Variants in ZNF573 observed in about 807,000 individuals in gnomAD.
ZNF573 encodes the protein zinc finger protein 573.
Under a neutral mutation model 57.4 loss-of-function variants are expected in ZNF573, and 41 were observed. The ratio of observed to expected loss-of-function variants is 0.71; its 90% CI spans 0.56 to 0.93. The LOEUF (loss-of-function observed/expected upper bound fraction) is 0.93, where lower values mean the gene tolerates loss of function less well. Among genes scored for constraint, ZNF573 ranks in the 40% least tolerant of loss-of-function variants. The probability of loss-of-function intolerance (pLI) is 0.00; values close to 1 mark genes in which losing one functional copy is unlikely to be tolerated. For synonymous variants in ZNF573, 249 were observed against 261.0 expected (o/e 0.95, Z 0.44); for missense variants, 730 against 794.8 (o/e 0.92, Z 0.98).
intron 4 of ZNF573, among the ~76,000 whole-genome samples, chr19:37,756,306 C>T (rs1042513173): frequency 1.3e-5 from 2 of 152,194 alleles, no homozygotes; most frequent in Non-Finnish European, 2.9e-5. Flanking sequence ...TTCCCCCAAA[C>T]CTCTTCATGT....
chr19:37,749,746 A>G (rs56075341), intron 4 of ZNF573, among the ~76,000 whole-genome samples: 12,122 of 152,246 alleles, frequency 0.08, 729 homozygotes, highest in African/African-American at 0.16. Context: ...AGTAAATGCT[A>G]CAATATCCAA....
At chr19:37,753,598 T>C (rs868043145) in intron 4 of ZNF573, among the ~76,000 whole-genome samples, 23 of 152,262 alleles carry the variant, frequency 1.5e-4, no homozygotes, top group African/African-American at 4.6e-4. Context: ...CATTTTAAGA[T>C]ATTACTCCAG....
chr19:37,750,016 G>A, intron 4 of ZNF573, among the ~76,000 whole-genome samples: 1 of 152,036 alleles, frequency 6.6e-6, no homozygotes, highest in East Asian at 1.9e-4. Context: ...TTCTAAGAGG[G>A]GGTAAAAGGG....
At position 37,744,127 on chromosome 19, in the gene ZNF573, A is replaced by G. The variant is rs552055057; in HGVS notation, c.296-3933T>C. On this transcript the variant is annotated intron_variant, in intron 4 of 4. Transcript: ENST00000536220. Reference sequence around the variant, plus strand: ...TCCTGTTTTTTTTTTAGAAGAAAGGAAAAAAAAAAGACTACTGATGTCACA... The same window carrying G: ...TCCTGTTTTTTTTTTAGAAGAAAGGGAAAAAAAAAGACTACTGATGTCACA... Among the ~76,000 whole-genome samples the G allele has an allele frequency of 6.0e-5, 9 of 149,332 alleles. No individual in the cohort carries two copies. The South Asian group carries it at 6.4e-4, about 11-fold the overall frequency.
intron 4 of ZNF573, among the ~76,000 whole-genome samples, chr19:37,767,771 C>CA (rs901390281): frequency 4.0e-5 from 6 of 151,678 alleles, no homozygotes; most frequent in African/African-American, 1.5e-4. Flanking sequence ...ATGGCATCAG[C>CA]AAAAAATAGA....
At chr19:37,741,067 CAA>C (rs1236208564) in intron 4 of ZNF573, among the ~76,000 whole-genome samples, 1 of 152,180 alleles carries the variant, frequency 6.6e-6, no homozygotes, top group African/African-American at 2.4e-5. Context: ...GCCAACTGTA[CAA>C]CTTCCCCCAA....
Position 37,773,670 on chromosome 19 carries a change from G to A in ZNF573, c.60C>T (p.Thr20=), listed in dbSNP as rs2045679422. The A allele has an allele frequency of 6.5e-7, 1 of 1,535,108 alleles. No homozygotes were observed. Among genetic ancestry groups the A allele is most frequent in the Non-Finnish European group, 8.7e-7 (1 of 1,146,226 alleles). Residue 20 remains threonine (T), a synonymous_variant, in exon 2 of 5, where the codon ACC becomes ACT. Transcript: ENST00000536220. ...VGLIRSYNSK[T]MTCFQELVTF... is the part of the protein sequence containing the mutation. Reference sequence around the variant, plus strand: ...GAATTAATCAACTTACACAGGTCATGGTTTTAGAATTGTAAGACCTGATCA... The same window carrying A: ...GAATTAATCAACTTACACAGGTCATAGTTTTAGAATTGTAAGACCTGATCA...
At chr19:37,763,560 TCAAAAAAAACAAAACAAAA>T (rs1599701194) in intron 4 of ZNF573, among the ~76,000 whole-genome samples, 2 of 149,730 alleles carry the variant, frequency 1.3e-5, no homozygotes, top group Non-Finnish European at 3.0e-5. Flanking sequence ...TGAGACTGTC[TCAAAAAAAACAAAACAAAA>T]CAAAAAAAAC....
intron 4 of ZNF573, among the ~76,000 whole-genome samples, chr19:37,759,942 A>G (rs1231291101): frequency 1.3e-5 from 2 of 152,220 alleles, no homozygotes; most frequent in Non-Finnish European, 2.9e-5. Flanking sequence ...TTTGGACAAG[A>G]TGAAATGGAG....
In ZNF573 at chr19:37,768,017, A is replaced by G. The variant is rs2045617851; in HGVS notation, c.295+1988T>C. Among the ~76,000 whole-genome samples, 4 of 152,148 alleles carry G rather than the reference A, an allele frequency of 2.6e-5. No homozygotes were observed. The South Asian group carries it at 8.3e-4, about 32-fold the overall frequency. On this transcript the variant is annotated intron_variant, in intron 4 of 4. Coordinates refer to ENST00000536220, the MANE Select transcript of ZNF573 (RefSeq NM_001172690.2). ...AACTAGAAACTCTCTCCTTGTTTAG[A>G]AATACTGCTTGGAGGGTATAAAATA...
Position 37,751,674 on chromosome 19 carries a change from TATATA to T in ZNF573, c.296-11485_296-11481del, listed in dbSNP as rs1430280956. Among the ~76,000 whole-genome samples, 77 of 124,558 alleles carry T rather than the reference TATATA, an allele frequency of 6.2e-4. 1 individual carries two copies. The highest frequency in any genetic ancestry group is 1.4e-3 in the African/African-American group (50 of 36,336). The allele number at this position is 124,558 out of a possible 152,430, so 81.7% of individuals were successfully genotyped here. A position where few individuals can be genotyped will look rare whatever the true frequency, so the allele number is the denominator to read the frequency against. On this transcript the variant is annotated intron_variant, in intron 4 of 4. Transcript: ENST00000536220. ...TACAGTATAGACAGCATATATACTG[TATATA>T]GTACATAGTACCGTATATATACTGT... is the stretch of plus-strand genomic sequence containing the variant.
chr19:37,749,466 T>C (rs188324009), intron 4 of ZNF573, among the ~76,000 whole-genome samples: 7 of 152,134 alleles, frequency 4.6e-5, no homozygotes, highest in Admixed American at 4.6e-4. Flanking sequence ...TAGGTTTATA[T>C]CCATTTATAT....
At chr19:37,768,307 C>T (rs895858679) in intron 4 of ZNF573, among the ~76,000 whole-genome samples, 37 of 152,200 alleles carry the variant, frequency 2.4e-4, no homozygotes, top group African/African-American at 8.4e-4. Context: ...GATCTGACTA[C>T]GCCTAACAAT....
intron 4 of ZNF573, among the ~76,000 whole-genome samples, chr19:37,762,957 G>A (rs545223715): frequency 6.6e-6 from 1 of 152,150 alleles, no homozygotes; most frequent in East Asian, 1.9e-4. Context: ...GTTTTTGGTA[G>A]AGACAGGGTT....
At chr19:37,746,835 T>C (rs1378110639) in intron 4 of ZNF573, among the ~76,000 whole-genome samples, 1 of 152,150 alleles carries the variant, frequency 6.6e-6, no homozygotes, top group Non-Finnish European at 1.5e-5. Flanking sequence ...CTGCCCGCCT[T>C]GGCCTCCCAA....
chr19:37,746,713 G>A (rs953213302), intron 4 of ZNF573, among the ~76,000 whole-genome samples: 2 of 151,924 alleles, frequency 1.3e-5, no homozygotes, highest in African/African-American at 4.8e-5. Flanking sequence ...CCAAGTAACT[G>A]GCATTATGTA....
Position 37,773,648 on chromosome 19 carries a change from T to C in ZNF573, c.69+13A>G. Reference sequence around the variant, plus strand: ...ATCATGATATTGCAAGGAAACAGAATTAATCAACTTACACAGGTCATGGTT... The same window carrying C: ...ATCATGATATTGCAAGGAAACAGAACTAATCAACTTACACAGGTCATGGTT... On this transcript the variant is annotated intron_variant, in intron 2 of 4. Coordinates refer to ENST00000536220, the MANE Select transcript of ZNF573 (RefSeq NM_001172690.2). 1 of 1,531,614 alleles carries C rather than the reference T, an allele frequency of 6.5e-7. No individual in the cohort carries two copies. Among genetic ancestry groups the C allele is most frequent in the Non-Finnish European group, 8.7e-7 (1 of 1,143,228 alleles). The allele number at this position is 1,531,614 out of a possible 1,614,324, so 94.9% of individuals were successfully genotyped here.
At chr19:37,745,996 A>C (rs968634658) in intron 4 of ZNF573, among the ~76,000 whole-genome samples, 1 of 152,168 alleles carries the variant, frequency 6.6e-6, no homozygotes, top group Non-Finnish European at 1.5e-5. Context: ...CTAAAAACTG[A>C]CCATATACTG....
chr19:37,766,397 A>G (rs1332063453), intron 4 of ZNF573, among the ~76,000 whole-genome samples: 2 of 152,148 alleles, frequency 1.3e-5, no homozygotes, highest in Non-Finnish European at 2.9e-5. Context: ...CCTCAGCACA[A>G]TTTTACTGTT....
Sources: gnomAD v4.1 joint callset for allele counts (sites outside exome capture counted in the v4.1 genomes callset) on GRCh38, gnomAD v4.1.1 for gene constraint, MANE v1.5 for transcripts, NCBI Gene and HGNC (gene_info 2026-07-23, HGNC 2026-07-21) for gene names.